NDE1: variants seen among roughly 807,000 people sequenced by gnomAD.
NDE1 encodes the protein nuclear distribution protein nudE homolog 1.
NDE1 carries 28 observed loss-of-function variants against 43.4 expected under a neutral mutation model. That is an observed-to-expected ratio of 0.65 (90% confidence interval 0.48 to 0.89). The LOEUF is 0.89. Ranked by LOEUF, NDE1 falls within the 40% of genes least tolerant of loss-of-function variation. The pLI is 0.00. For missense variants in NDE1, 441 were observed against 434.1 expected (o/e 1.02, Z -0.14); for synonymous variants, 184 against 172.0 (o/e 1.07, Z -0.55).
At chr16:15,644,541 G>A (rs1339797996) in intron 1 of NDE1, among the ~76,000 whole-genome samples, 1 of 152,210 alleles carries the variant, frequency 6.6e-6, no homozygotes, top group Admixed American at 6.5e-5. Flanking sequence ...ACTTTGAGAG[G>A]CTACGGAGGG....
chr16:15,707,001 C>A (rs1259080303), intron 8 of NDE1, among the ~76,000 whole-genome samples: 1 of 152,002 alleles, frequency 6.6e-6, no homozygotes, highest in Admixed American at 6.6e-5. Context: ...AACTAAGGGA[C>A]CCCCCTAAAG....
intron 3 of NDE1, among the ~76,000 whole-genome samples, 197 bp downstream of exon 3, chr16:15,667,636 T>G (rs1009352782): frequency 4.8e-5 from 7 of 146,638 alleles, no homozygotes; most frequent in African/African-American, 1.3e-4. Flanking sequence ...TGTTTTGTTT[T>G]TTTTTTTTTT....
intron 8 of NDE1, among the ~76,000 whole-genome samples, chr16:15,723,588 GGGAGCT>G (rs1331023553): frequency 1.3e-5 from 2 of 152,282 alleles, no homozygotes; most frequent in East Asian, 3.9e-4. Context: ...GGAGGTTGCG[GGGAGCT>G]GAGATCACAC....
intron 8 of NDE1, among the ~76,000 whole-genome samples, chr16:15,705,972 G>A (rs1310870393): frequency 4.5e-5 from 3 of 66,236 alleles, no homozygotes; most frequent in African/African-American, 2.6e-4. Context: ...GCGACAGGGT[G>A]AGACTCCGTC....
Position 15,721,754 on chromosome 16 carries a change from G to A in NDE1, c.948-2437G>A. On this transcript the variant is annotated intron_variant, in intron 8 of 8. Transcript: ENST00000396354. Reference sequence around the variant, plus strand: ...GTATTGAGGTGCAGGTGTAAGCAGTGTAGGTTAGCTATGGGAGTAATTTAT... The same window carrying A: ...GTATTGAGGTGCAGGTGTAAGCAGTATAGGTTAGCTATGGGAGTAATTTAT... 3.9e-6 allele frequency: 4 copies of A among 1,024,984 alleles called. 1 individual carries two copies. The African/African-American group carries it at 4.7e-5, about 12-fold the overall frequency. The allele number at this position is 1,024,984 out of a possible 1,614,324, so 63.5% of individuals were successfully genotyped here.
intron 8 of NDE1, chr16:15,714,711 C>CAGGCA (rs2040018375): frequency 2.9e-6 from 2 of 682,806 alleles, no homozygotes; most frequent in East Asian, 5.2e-5. Context: ...TAGCTGCTAC[C>CAGGCA]AGGCAAGGCA....
intron 3 of NDE1, among the ~76,000 whole-genome samples, chr16:15,672,140 GA>G (rs1457933163): frequency 6.6e-6 from 1 of 152,022 alleles, no homozygotes; most frequent in African/African-American, 2.4e-5. Context: ...TCTGCTTCAA[GA>G]CTGAGCTCTT....
chr16:15,694,238 C>A lies in NDE1; in HGVS notation c.777C>A (p.Asp259Glu), dbSNP rs369596410. ...TATCAGCCCTCAACATTGTGGGAGA[C>A]CTACTGCGGAAAGTCGGGGTAAGAC... ...ARISALNIVG[D>E]LLRKVGALES... The change falls in exon 7 of 9, where the codon GAC becomes GAA. Residue 259 changes from aspartate (D) to glutamate (E), a missense_variant. Asp to Glu is a conservative substitution (Grantham distance 45). Transcript: ENST00000396354. 6.2e-7 allele frequency: 1 copy of A among 1,613,864 alleles called. No homozygotes were observed. The highest frequency in any genetic ancestry group is 1.1e-5 in the South Asian group (1 of 91,044).
chr16:15,691,756 T>A (rs2151121922), intron 6 of NDE1, among the ~76,000 whole-genome samples: 1 of 151,474 alleles, frequency 6.6e-6, no homozygotes, highest in Non-Finnish European at 1.5e-5. Context: ...TTCTCCCACC[T>A]CATCCTCCGG....
intron 3 of NDE1, among the ~76,000 whole-genome samples, chr16:15,674,282 C>T (rs1405208374): frequency 1.3e-5 from 2 of 152,058 alleles, no homozygotes; most frequent in Non-Finnish European, 2.9e-5. Context: ...TCTTGTTCGT[C>T]GCCCAGACTA....
intron 4 of NDE1, among the ~76,000 whole-genome samples, chr16:15,680,516 C>G (rs998474913): frequency 6.6e-6 from 1 of 152,072 alleles, no homozygotes; most frequent in Non-Finnish European, 1.5e-5. Context: ...CCTTTCTTGT[C>G]AATCTGTAGG....
At chr16:15,653,137 G>A (rs1156420244) in intron 1 of NDE1, among the ~76,000 whole-genome samples, 2 of 152,122 alleles carry the variant, frequency 1.3e-5, no homozygotes, top group Non-Finnish European at 2.9e-5. Context: ...AACAAAAATG[G>A]GCACCCATTT....
chr16:15,689,024 G>C (rs543090547), intron 5 of NDE1, among the ~76,000 whole-genome samples: 2 of 152,116 alleles, frequency 1.3e-5, no homozygotes, highest in East Asian at 3.9e-4. Context: ...ACGTCGATTT[G>C]CTTTCTAATG....
In NDE1 at chr16:15,696,731, C is replaced by T; in HGVS notation, c.818C>T (p.Ser273Phe). Residue 273 changes from serine (S) to phenylalanine (F), a missense_variant, in exon 8 of 9, where the codon TCC becomes TTC. Ser to Phe is a radical substitution (Grantham distance 155). Coordinates refer to ENST00000396354, the MANE Select transcript of NDE1 (RefSeq NM_017668.3). ...CAGGCACTGGAGTCCAAACTCGCTTCCTGCCGGAACCTCGTGTACGATCAG... is the reference window on the plus strand; with the variant it reads ...CAGGCACTGGAGTCCAAACTCGCTTTCTGCCGGAACCTCGTGTACGATCAG... ...KVGALESKLA[S>F]CRNLVYDQSP... 1 of 1,614,196 alleles carries T rather than the reference C, an allele frequency of 6.2e-7. No homozygotes were observed. The highest frequency in any genetic ancestry group is 2.2e-5 in the East Asian group (1 of 44,876).
chr16:15,650,973 T>G (rs1029165313), intron 1 of NDE1, among the ~76,000 whole-genome samples: 1 of 152,114 alleles, frequency 6.6e-6, no homozygotes, highest in African/African-American at 2.4e-5. Flanking sequence ...TGACAGCACT[T>G]TGGGGAGGGA....
chr16:15,712,702 A>G (rs1418107027), intron 8 of NDE1, among the ~76,000 whole-genome samples: 2 of 151,942 alleles, frequency 1.3e-5, no homozygotes, highest in Non-Finnish European at 2.9e-5. Flanking sequence ...TCGGGGGACA[A>G]GCAGGTGTGG....
At chr16:15,668,985 C>T (rs1449804012) in intron 3 of NDE1, among the ~76,000 whole-genome samples, 4 of 151,714 alleles carry the variant, frequency 2.6e-5, no homozygotes, top group South Asian at 2.1e-4. Flanking sequence ...CTGCAAGCTC[C>T]GCCTCCCAGG....
intron 4 of NDE1, among the ~76,000 whole-genome samples, chr16:15,683,096 C>G (rs2038266566): frequency 6.6e-6 from 1 of 151,968 alleles, no homozygotes; most frequent in Admixed American, 6.6e-5. Context: ...ATCTTCCCAT[C>G]TCGGCTTGCC....
chr16:15,686,335 C>G, intron 4 of NDE1: 1 of 968,440 alleles, frequency 1.0e-6, no homozygotes, highest in African/African-American at 1.8e-5. Flanking sequence ...TGAGAGAAAA[C>G]TGAGGTGCAG....
Sources: gnomAD v4.1 joint callset for allele counts (sites outside exome capture counted in the v4.1 genomes callset) on GRCh38, gnomAD v4.1.1 for gene constraint, MANE v1.5 for transcripts, NCBI Gene and HGNC (gene_info 2026-07-23, HGNC 2026-07-21) for gene names.